Variants in EXD2 observed in about 807,000 individuals in gnomAD.
EXD2 encodes exonuclease 3'-5' domain containing 2.
Under a neutral mutation model 62.5 loss-of-function variants are expected in EXD2, and 40 were observed. That is an observed-to-expected ratio of 0.64 (90% confidence interval 0.50 to 0.83). The LOEUF (loss-of-function observed/expected upper bound fraction) is 0.83, where lower values mean the gene tolerates loss of function less well. Among genes scored for constraint, EXD2 ranks in the 40% least tolerant of loss-of-function variants. The probability of loss-of-function intolerance (pLI) is 0.00; values close to 1 mark genes in which losing one functional copy is unlikely to be tolerated. For synonymous variants in EXD2, 239 were observed against 291.9 expected, an observed-to-expected ratio of 0.82 and a Z score of 1.85; for missense variants, 671 against 761.8, an observed-to-expected ratio of 0.88 and a Z score of 1.40.
At chr14:69,228,645 G>T (rs1424950571) in intron 3 of EXD2, among the ~76,000 whole-genome samples, 171 bp from the exon 4 acceptor site, 1 of 152,184 alleles carries the variant, frequency 6.6e-6, no homozygotes, top group Non-Finnish European at 1.5e-5. Context: ...GCTTCACAAA[G>T]TCCATTGCAT....
At chr14:69,231,273 A>G (rs1225980563) in intron 5 of EXD2, among the ~76,000 whole-genome samples, 3 of 152,104 alleles carry the variant, frequency 2.0e-5, no homozygotes, top group Non-Finnish European at 4.4e-5. Context: ...CTCAGAGGCA[A>G]CCACTTTCAT....
chr14:69,212,396 G>A (rs552496737), intron 3 of EXD2, among the ~76,000 whole-genome samples: 10 of 152,102 alleles, frequency 6.6e-5, no homozygotes, highest in Admixed American at 5.2e-4. Context: ...AAGAAAAAAC[G>A]AAGACAGAAA....
At chr14:69,213,670 C>A (rs1394516212) in intron 3 of EXD2, among the ~76,000 whole-genome samples, 1 of 149,136 alleles carries the variant, frequency 6.7e-6, no homozygotes, top group Non-Finnish European at 1.5e-5. Flanking sequence ...GCTGTATTTA[C>A]CTTTTTTTTT....
intron 1 of EXD2, among the ~76,000 whole-genome samples, chr14:69,202,311 A>G (rs2042436246): frequency 6.6e-6 from 1 of 152,134 alleles, no homozygotes; most frequent in Non-Finnish European, 1.5e-5. Flanking sequence ...CAAGAGGTCA[A>G]GGGTGCAGTG....
intron 3 of EXD2, among the ~76,000 whole-genome samples, chr14:69,225,035 T>C (rs1200654898): frequency 1.3e-5 from 2 of 152,220 alleles, no homozygotes; most frequent in Non-Finnish European, 2.9e-5. Flanking sequence ...TCTTACTTGC[T>C]GTAGCTTCTT....
rs2043776672 is a variant in EXD2 at position 69,236,151 on chromosome 14, T to C, written c.1155T>C (p.Gly385=). 4 of 1,611,800 alleles carry C rather than the reference T, an allele frequency of 2.5e-6. No individual in the cohort carries two copies. The highest frequency in any genetic ancestry group is 1.3e-5 in the African/African-American group (1 of 74,840). The change falls in exon 7 of 10, where the codon GGT becomes GGC. Residue 385 remains glycine (G), a splice_region_variant and synonymous_variant. Transcript: ENST00000685843. ...AGTGGTACCTGGACAAAGGCATTGG[T>C]GGTATGAGATTCAGCTGTCCTTGTT... The part of the protein sequence containing the change: ...KAQWYLDKGI[G]ELVSEEPFVV...
At chr14:69,211,608 C>T (rs953522834) in intron 3 of EXD2, among the ~76,000 whole-genome samples, 2 of 151,660 alleles carry the variant, frequency 1.3e-5, no homozygotes, top group Admixed American at 6.6e-5. Flanking sequence ...TAGTAGTAGT[C>T]GTTTATACCA....
chr14:69,212,814 T>C (rs1003306688), intron 3 of EXD2, among the ~76,000 whole-genome samples: 1 of 150,850 alleles, frequency 6.6e-6, no homozygotes, highest in Non-Finnish European at 1.5e-5. Flanking sequence ...GCTCAGATGA[T>C]TGTCTCACCT....
rs1388771509 is a variant in EXD2 at position 69,241,031 on chromosome 14, G to A, written c.1797G>A (p.Trp599Ter). The A allele has an allele frequency of 4.3e-6, 7 of 1,612,998 alleles. No individual in the cohort carries two copies. Among genetic ancestry groups the A allele is most frequent in the South Asian group, 1.1e-5 (1 of 91,020 alleles). ...SMQPKHLPQQ[W>*]SVDHNHQKLL... ...AGCCCAAGCACCTGCCCCAGCAGTG[G>A]TCAGTGGACCACAACCATCAGAAGC... The change falls in exon 10 of 10, where the codon TGG becomes TGA. Residue 599 changes from tryptophan to a stop codon, truncating the protein, a stop_gained. Transcript: ENST00000685843. LOFTEE classifies it high-confidence loss of function.
chr14:69,204,633 G>C (rs2042523653), intron 2 of EXD2, among the ~76,000 whole-genome samples: 1 of 152,158 alleles, frequency 6.6e-6, no homozygotes, highest in Non-Finnish European at 1.5e-5. Context: ...ATGAGATTTA[G>C]TGAGGGATCG....
chr14:69,213,537 A>ATTT lies in EXD2; in HGVS notation c.333+3752_333+3754dup, dbSNP rs746653694. ...AGGCATGTGCCACTGCACCTGGATA[A>ATTT]TTTTTTTTTTTTTTTTTTTTGTAGA... On this transcript the variant is annotated intron_variant, in intron 3 of 9. Coordinates refer to ENST00000685843, the MANE Select transcript of EXD2 (RefSeq NM_001193360.2). Among the ~76,000 whole-genome samples, 22 of 76,504 alleles carry ATTT rather than the reference A, an allele frequency of 2.9e-4. 3 individuals carry two copies. The highest frequency in any genetic ancestry group is 3.5e-4 in the African/African-American group (6 of 17,270). 50.2% of individuals were successfully genotyped at this position (76,504 alleles called of 152,430 possible).
chr14:69,240,391 T>C (rs1179437595), intron 9 of EXD2, among the ~76,000 whole-genome samples: 2 of 152,150 alleles, frequency 1.3e-5, no homozygotes, highest in Non-Finnish European at 1.5e-5. Flanking sequence ...GGCATCTTTT[T>C]GTGAGAAAAA....
rs2044019974 is a variant in EXD2, at chr14:69,243,031, A to G, written c.*1931A>G. ...AAGGTGCTAGGGAAAGGGTTTTCCC[A>G]TGGAGCTTTCTGTGAGGCGCAGTAA... On this transcript the variant is annotated 3_prime_UTR_variant, in exon 10 of 10. Transcript: ENST00000685843. The G allele has an allele frequency of 1.3e-5, 2 of 152,192 alleles. No homozygotes were observed. Among genetic ancestry groups the G allele is most frequent in the African/African-American group, 2.4e-5 (1 of 41,446 alleles). 9.4% of individuals were successfully genotyped at this position (152,192 alleles called of 1,614,324 possible).
intron 3 of EXD2, among the ~76,000 whole-genome samples, chr14:69,220,020 G>GT (rs565919333): frequency 3.0e-4 from 44 of 149,056 alleles, no homozygotes; most frequent in East Asian, 1.2e-3. Flanking sequence ...TTTGCTAAGA[G>GT]TTTTTTTTTT....
At position 69,209,626 on chromosome 14, in the gene EXD2, G is replaced by T; in HGVS notation, c.156G>T (p.Glu52Asp). Reference sequence around the variant, plus strand: ...AGCAGAAAGTGCTGGGCAGTAGAGAGCTGCCCCCTCCAGAAGATGATCAGC... The same window carrying T: ...AGCAGAAAGTGCTGGGCAGTAGAGATCTGCCCCCTCCAGAAGATGATCAGC... ...QPQQKVLGSR[E>D]LPPPEDDQLH... Residue 52 changes from glutamate to aspartate, a missense_variant, in exon 3 of 10, where the codon GAG (glutamate) becomes GAT (aspartate). Glu to Asp is a conservative substitution (Grantham distance 45, BLOSUM62 2). Coordinates refer to ENST00000685843, the MANE Select transcript of EXD2 (RefSeq NM_001193360.2). 6.4e-7 allele frequency: 1 copy of T among 1,550,522 alleles called. No individual in the cohort carries two copies.
intron 9 of EXD2, 25 bp downstream of exon 9, chr14:69,237,956 T>G (rs377185239): frequency 2.6e-5 from 39 of 1,522,892 alleles, no homozygotes; most frequent in East Asian, 6.8e-5. Context: ...AATTGTGGAA[T>G]GTACCAGGGA....
intron 2 of EXD2, among the ~76,000 whole-genome samples, chr14:69,204,514 T>C (rs1159701912): frequency 6.6e-6 from 1 of 152,194 alleles, no homozygotes; most frequent in African/African-American, 2.4e-5. Flanking sequence ...GAGCCGTGAT[T>C]GTGCTGCAGT....
At chr14:69,213,537 A>ATTTTTTTTTTTTTTTTT (rs746653694) in intron 3 of EXD2, among the ~76,000 whole-genome samples, 1 of 76,538 alleles carries the variant, frequency 1.3e-5, no homozygotes, top group East Asian at 5.5e-4. Flanking sequence ...CACCTGGATA[A>ATTTTTTTTTTTTTTTTT]TTTTTTTTTT....
chr14:69,211,591 T>G (rs2042805682), intron 3 of EXD2, among the ~76,000 whole-genome samples: 1 of 151,632 alleles, frequency 6.6e-6, no homozygotes, highest in South Asian at 2.1e-4. Context: ...TTTCTTTATA[T>G]CAGCAATAGT....
Sources: allele counts gnomAD v4.1 joint callset (sites outside exome capture counted in the v4.1 genomes callset), GRCh38; gene constraint gnomAD v4.1.1; transcripts MANE v1.5; gene names NCBI Gene and HGNC (gene_info 2026-07-23, HGNC 2026-07-21).